NTRK3: variants seen among roughly 807,000 people sequenced by gnomAD.
NTRK3 encodes NT-3 growth factor receptor.
Under a neutral mutation model 91.7 loss-of-function variants are expected in NTRK3, and 24 were observed. The observed-to-expected ratio is 0.26, with a 90% confidence interval of 0.19 to 0.37. The LOEUF (loss-of-function observed/expected upper bound fraction) is 0.37. NTRK3 is among the 10% of genes least tolerant of loss of function. The probability of loss-of-function intolerance (pLI) is 1.00; values close to 1 mark genes in which losing one functional copy is unlikely to be tolerated. For synonymous variants in NTRK3, 483 were observed against 404.0 expected (o/e 1.20, Z -2.34); for missense variants, 880 against 1,068.9 (o/e 0.82, Z 2.46).
exon 19 of NTRK3, chr15:87,876,335 G>A (rs1014507630): frequency 4.3e-6 from 1 of 230,488 alleles, no homozygotes; most frequent in African/African-American, 2.2e-5. Flanking sequence ...GGAGGAAATG[G>A]GGAAGAAGTG....
At chr15:87,973,819 C>A (rs1017068469) in intron 14 of NTRK3, among the ~76,000 whole-genome samples, 10 of 152,130 alleles carry the variant, frequency 6.6e-5, no homozygotes, top group Admixed American at 5.9e-4. Context: ...CAGCCAGCAT[C>A]GCCCCTCTCC....
intron 18 of NTRK3, among the ~76,000 whole-genome samples, chr15:87,878,429 C>T (rs28399729): frequency 0.05 from 7,535 of 152,156 alleles, 527 homozygotes; most frequent in African/African-American, 0.15. Context: ...CTGGAGTTTA[C>T]GATGGCCCCT....
chr15:87,873,980 A>T, exon 19 of NTRK3: 1 of 229,026 alleles, frequency 4.4e-6, no homozygotes, highest in Non-Finnish European at 8.7e-6. Context: ...ACAGTGACAC[A>T]ACGTTGTCAG....
At chr15:88,026,728 A>C (rs185671402) in intron 14 of NTRK3, among the ~76,000 whole-genome samples, 1 of 152,354 alleles carries the variant, frequency 6.6e-6, no homozygotes, top group Non-Finnish European at 1.5e-5. Context: ...CTGTAGTGAC[A>C]GGTGGGGACT....
intron 13 of NTRK3, among the ~76,000 whole-genome samples, chr15:88,053,078 T>C (rs1198792580): frequency 6.6e-6 from 1 of 152,170 alleles, no homozygotes; most frequent in Admixed American, 6.5e-5. Flanking sequence ...CAGACACTGT[T>C]CTAGGAACTG....
chr15:87,872,446 G>T lies in NTRK3; in HGVS notation c.*4489C>A, dbSNP rs191364523. On this transcript the variant is annotated 3_prime_UTR_variant, in exon 19 of 19. Transcript: ENST00000394480. ...CGGCCTCTTACAATAAGCATTAAAA[G>T]ATAAAAATCTTGTCGGTTTTGACCC... 4.6e-3 allele frequency: 1,034 copies of T among 226,664 alleles called. 5 individuals carry two copies. The highest frequency in any genetic ancestry group is 0.02 in the Middle Eastern group (15 of 744). 14.0% of individuals were successfully genotyped at this position (226,664 alleles called of 1,614,324 possible).
chr15:88,072,045 G>A (rs1421864607), intron 13 of NTRK3, among the ~76,000 whole-genome samples: 1 of 136,942 alleles, frequency 7.3e-6, no homozygotes, highest in Non-Finnish European at 1.5e-5. Flanking sequence ...TTGCACTGTT[G>A]CCCTGACTGG....
exon 10 of NTRK3, chr15:88,135,115 T>G: frequency 3.7e-6 from 6 of 1,614,234 alleles, no homozygotes; most frequent in Non-Finnish European, 5.1e-6. Context: ...AAAGGGCTCC[T>G]TGAGGAAGTG....
chr15:88,074,937 T>C (rs1314697647), intron 13 of NTRK3, among the ~76,000 whole-genome samples: 2 of 152,200 alleles, frequency 1.3e-5, no homozygotes, highest in African/African-American at 2.4e-5. Context: ...TGATGTATGA[T>C]GTAAGGGACT....
chr15:88,241,016 C>T lies in NTRK3; in HGVS notation c.248+14890G>A, dbSNP rs905356042. On this transcript the variant is annotated intron_variant, in intron 3 of 18. Transcript: ENST00000394480. The surrounding 1 kb of genome is among the most constrained non-coding windows in gnomAD (Gnocchi z 4.3). ...CAGGAAATGAGCCTGTTACAGTCCACAGGTCTTTACTGAACACCTACTAGG... is the reference window on the plus strand; with the variant it reads ...CAGGAAATGAGCCTGTTACAGTCCATAGGTCTTTACTGAACACCTACTAGG... Among the ~76,000 whole-genome samples the T allele has an allele frequency of 6.6e-6, 1 of 152,220 alleles. No individual in the cohort carries two copies. Among genetic ancestry groups the T allele is most frequent in the Non-Finnish European group, 1.5e-5 (1 of 68,048 alleles).
At chr15:88,097,998 T>C (rs1390841748) in intron 13 of NTRK3, among the ~76,000 whole-genome samples, 1 of 152,262 alleles carries the variant, frequency 6.6e-6, no homozygotes, top group Non-Finnish European at 1.5e-5. Context: ...TAAAAGTGTG[T>C]ACTTTTTGCA....
intron 17 of NTRK3, among the ~76,000 whole-genome samples, chr15:87,919,465 G>C (rs1334389397): frequency 6.6e-6 from 1 of 152,096 alleles, no homozygotes; most frequent in African/African-American, 2.4e-5. Flanking sequence ...AGTGTCCCAG[G>C]GTGGAAAATA....
intron 6 of NTRK3, among the ~76,000 whole-genome samples, chr15:88,144,599 A>G (rs1597579399): frequency 6.6e-6 from 1 of 152,114 alleles, no homozygotes; most frequent in African/African-American, 2.4e-5. Flanking sequence ...GGTAGTGATA[A>G]TATTAAACAT....
intron 14 of NTRK3, among the ~76,000 whole-genome samples, chr15:88,006,034 T>C (rs991200173): frequency 6.6e-6 from 1 of 152,206 alleles, no homozygotes; most frequent in African/African-American, 2.4e-5. Flanking sequence ...GAACACTTTT[T>C]CAAGAGCTTC....
chr15:88,116,275 G>C (rs1327155050), intron 13 of NTRK3, among the ~76,000 whole-genome samples: 1 of 152,124 alleles, frequency 6.6e-6, no homozygotes, highest in Non-Finnish European at 1.5e-5. Flanking sequence ...GGATAGAACT[G>C]AAATGCCTTA....
intron 13 of NTRK3, among the ~76,000 whole-genome samples, chr15:88,071,317 C>A (rs1047964038): frequency 1.3e-5 from 2 of 152,254 alleles, no homozygotes; most frequent in Non-Finnish European, 2.9e-5. Flanking sequence ...TTGCCTGCTT[C>A]CTTCCTGAGC....
At chr15:88,178,103 C>T (rs2046158815) in intron 5 of NTRK3, among the ~76,000 whole-genome samples, 1 of 152,170 alleles carries the variant, frequency 6.6e-6, no homozygotes, top group Non-Finnish European at 1.5e-5. Flanking sequence ...AAGGAGGATA[C>T]TTGTGGAGAA....
rs2051683055 is a variant in NTRK3, at chr15:88,113,536, A to G, written c.1396+12735T>C. The stretch of plus-strand genomic sequence containing the variant: ...TCGCCATGTTGGCCAGGCTGGTCTC[A>G]AACTCTTGACCTCAGGTGATCCAGC... On this transcript the variant is annotated intron_variant, in intron 13 of 18. Transcript: ENST00000394480. Among the ~76,000 whole-genome samples the G allele has an allele frequency of 2.6e-5, 4 of 152,018 alleles. No individual in the cohort carries two copies. In the East Asian group the frequency reaches 7.8e-4, roughly 29 times the overall value.
intron 17 of NTRK3, chr15:87,928,899 A>G (rs1471814193): frequency 1.7e-6 from 1 of 579,672 alleles, no homozygotes; most frequent in East Asian, 2.9e-5. Flanking sequence ...GAGTATGTTT[A>G]CATGAAGAAT....
Sources: allele counts gnomAD v4.1 joint callset (sites outside exome capture counted in the v4.1 genomes callset), GRCh38; gene constraint gnomAD v4.1.1; non-coding constraint Gnocchi (gnomAD v3.1); transcripts MANE v1.5; gene names NCBI Gene and HGNC (gene_info 2026-07-23, HGNC 2026-07-21).